CDH19: variants seen among roughly 807,000 people sequenced by gnomAD.
CDH19 encodes cadherin 19, also known as cadherin-19.
A neutral mutation model predicts 64.2 loss-of-function variants in CDH19; 67 were observed. The ratio of observed to expected loss-of-function variants is 1.04; its 90% CI spans 0.86 to 1.28. The LOEUF is 1.28. Ranked by LOEUF, CDH19 falls within the 50% of genes most tolerant of loss-of-function variation. The pLI is 0.00. For synonymous variants in CDH19, 346 were observed against 319.3 expected, an observed-to-expected ratio of 1.08 and a Z score of -0.89; for missense variants, 1,030 against 929.0, an observed-to-expected ratio of 1.11 and a Z score of -1.41.
intron 4 of CDH19, among the ~76,000 whole-genome samples, chr18:66,552,791 A>G (rs1203803636): frequency 7.4e-6 from 1 of 134,496 alleles, no homozygotes; most frequent in Non-Finnish European, 1.5e-5. Context: ...GTCAGTGTGC[A>G]GGGTAGGGGC....
In CDH19 at chr18:66,544,754, G is replaced by T. The variant is rs1568189393; in HGVS notation, c.925C>A (p.His309Asn). ...DSQTFDIITN[H>N]ETQEGIVILK... ...ATAACTATTCCTTCTTGAGTTTCAT[G>T]ATTAGTAATAATGTCAAATGTTTGC... Residue 309 changes from histidine (H) to asparagine (N), a missense_variant, in exon 6 of 12, where the codon CAT becomes AAT. Transcript: ENST00000262150. The T allele has an allele frequency of 6.2e-7, 1 of 1,610,078 alleles. No individual in the cohort carries two copies. The highest frequency in any genetic ancestry group is 1.7e-5 in the Admixed American group (1 of 59,766).
At chr18:66,550,680 C>A (rs140868948) in intron 5 of CDH19, among the ~76,000 whole-genome samples, 3,847 of 152,084 alleles carry the variant, frequency 0.025, 70 homozygotes, top group Non-Finnish European at 0.04. Context: ...CATAAAGAGG[C>A]CTTCAGGAAT....
Position 66,568,709 on chromosome 18 carries a change from A to G in CDH19, c.197T>C (p.Leu66Pro), listed in dbSNP as rs1988002218. 6.3e-7 allele frequency: 1 copy of G among 1,592,410 alleles called. No homozygotes were observed. The highest frequency in any genetic ancestry group is 8.5e-7 in the Non-Finnish European group (1 of 1,171,592). The part of the protein sequence containing the change: ...MNTTSHHIGQ[L>P]RSDLDNGNNS... Reference sequence around the variant, plus strand: ...GTTTCCATTGTCTAAATCAGATCTTAGCTGCAAATGGAAAGAGGGATCATT... The same window carrying G: ...GTTTCCATTGTCTAAATCAGATCTTGGCTGCAAATGGAAAGAGGGATCATT... Residue 66 changes from leucine (L) to proline (P), a missense_variant and splice_region_variant, in exon 3 of 12, where the codon CTA becomes CCA. Transcript: ENST00000262150.
chr18:66,575,097 G>C (rs1388375862), intron 1 of CDH19, among the ~76,000 whole-genome samples: 17 of 151,790 alleles, frequency 1.1e-4, no homozygotes, highest in Non-Finnish European at 1.0e-4. Context: ...AGAAATTGTT[G>C]CATCTCCTTT....
chr18:66,528,187 A>G (rs576266481), intron 9 of CDH19, among the ~76,000 whole-genome samples: 89 of 152,202 alleles, frequency 5.8e-4, no homozygotes, highest in African/African-American at 2.1e-3. Flanking sequence ...ATATTTGTCA[A>G]TGTGTCTAAG....
At chr18:66,573,918 C>CACAA (rs1490550387) in intron 1 of CDH19, among the ~76,000 whole-genome samples, 1 of 150,390 alleles carries the variant, frequency 6.6e-6, no homozygotes, top group Admixed American at 6.6e-5. Flanking sequence ...CACACACACA[C>CACAA]ACACAAGTAT....
intron 1 of CDH19, among the ~76,000 whole-genome samples, chr18:66,590,761 A>G (rs1463173020): frequency 6.6e-6 from 1 of 152,026 alleles, no homozygotes; most frequent in African/African-American, 2.4e-5. Flanking sequence ...TAAAGCATAA[A>G]TATAAATGAA....
Position 66,568,551 on chromosome 18 carries a change from C to A in CDH19, c.355G>T (p.Val119Leu). 1 of 1,612,306 alleles carries A rather than the reference C, an allele frequency of 6.2e-7. No individual in the cohort carries two copies. The highest frequency in any genetic ancestry group is 8.5e-7 in the Non-Finnish European group (1 of 1,178,968). ...GCCCTTCCAGTAGCGATGTCTATTACCTGGGCTCTTAAGATGTAGAGGGAT... is the reference window on the plus strand; with the variant it reads ...GCCCTTCCAGTAGCGATGTCTATTAACTGGGCTCTTAAGATGTAGAGGGAT... ...ERSLYILRAQ[V>L]IDIATGRAVE... Residue 119 changes from valine to leucine, a missense_variant, in exon 3 of 12, where the codon GTA becomes TTA. Val to Leu is a conservative substitution (Grantham distance 32). Coordinates refer to ENST00000262150, the MANE Select transcript of CDH19 (RefSeq NM_021153.4).
chr18:66,571,096 A>T (rs1005172563), intron 2 of CDH19, among the ~76,000 whole-genome samples: 1 of 151,074 alleles, frequency 6.6e-6, no homozygotes, highest in African/African-American at 2.4e-5. Context: ...GTGTGTGTGT[A>T]TGCGTGTGTG....
chr18:66,596,678 C>T (rs796349381), intron 1 of CDH19, among the ~76,000 whole-genome samples: 11 of 152,166 alleles, frequency 7.2e-5, no homozygotes, highest in African/African-American at 2.6e-4. Flanking sequence ...ACATTCCATG[C>T]TCATGGATAG....
chr18:66,529,893 G>T lies in CDH19; in HGVS notation c.1410C>A (p.Phe470Leu), dbSNP rs372093174. ...AAACATAAGTCTCATAGTATTGAGA[G>T]AACTCAGGAGCATGATCATTGATGT... is the stretch of plus-strand genomic sequence containing the variant. ...VLNINDHAPEFSQYYETYVCE... is the reference protein window; with the variant it reads ...VLNINDHAPELSQYYETYVCE... The change falls in exon 9 of 12, where the codon TTC (phenylalanine) becomes TTA (leucine). Residue 470 changes from phenylalanine to leucine, a missense_variant. Coordinates refer to ENST00000262150, the MANE Select transcript of CDH19 (RefSeq NM_021153.4). The T allele has an allele frequency of 3.1e-6, 5 of 1,591,484 alleles. No individual in the cohort carries two copies. Among genetic ancestry groups the T allele is most frequent in the Non-Finnish European group, 4.3e-6 (5 of 1,164,224 alleles).
rs561549140 is a variant in CDH19, at chr18:66,570,080, C to T, written c.196-1370G>A. Among the ~76,000 whole-genome samples the T allele has an allele frequency of 6.6e-5, 10 of 151,262 alleles. No homozygotes were observed. In the South Asian group the frequency reaches 1.2e-3, roughly 19 times the overall value. ...TTATTCCTAAAAGAAATTCTTCATGCGATGATGTAAGAAATTGAGGAACAA... is the reference window on the plus strand; with the variant it reads ...TTATTCCTAAAAGAAATTCTTCATGTGATGATGTAAGAAATTGAGGAACAA... On this transcript the variant is annotated intron_variant, in intron 2 of 11. Transcript: ENST00000262150.
intron 5 of CDH19, among the ~76,000 whole-genome samples, chr18:66,548,269 A>T (rs536586521): frequency 0.032 from 2,416 of 74,906 alleles, 92 homozygotes; most frequent in South Asian, 0.25. Flanking sequence ...ATATTTTTTT[A>T]AAAATATATA....
intron 5 of CDH19, among the ~76,000 whole-genome samples, chr18:66,549,532 G>A (rs1192911129): frequency 6.6e-6 from 1 of 152,058 alleles, no homozygotes; most frequent in Non-Finnish European, 1.5e-5. Flanking sequence ...TACATCATAT[G>A]TGACACTACA....
At chr18:66,547,704 G>C (rs1333557444) in intron 5 of CDH19, among the ~76,000 whole-genome samples, 1 of 107,708 alleles carries the variant, frequency 9.3e-6, no homozygotes, top group Non-Finnish European at 1.7e-5. Context: ...GTCTCGCTCT[G>C]TCGCCCAGGC....
intron 6 of CDH19, 57 bp from the exon 7 acceptor site, chr18:66,544,281 T>C: frequency 1.3e-6 from 2 of 1,523,790 alleles, no homozygotes; most frequent in Non-Finnish European, 1.8e-6. Context: ...AAGATACTAT[T>C]TAGAAAAAAG....
intron 1 of CDH19, among the ~76,000 whole-genome samples, chr18:66,596,721 C>A (rs1370565692): frequency 6.6e-6 from 1 of 151,978 alleles, no homozygotes; most frequent in Non-Finnish European, 1.5e-5. Context: ...GACCATAATC[C>A]TCAAGGAATT....
chr18:66,529,953 C>G lies in CDH19; in HGVS notation c.1350G>C (p.Gln450His). The change falls in exon 9 of 12, where the codon CAG becomes CAC. Residue 450 changes from glutamine to histidine, a missense_variant. By Grantham distance (24) the Gln-to-His change is conservative (BLOSUM62 0). Coordinates refer to ENST00000262150, the MANE Select transcript of CDH19 (RefSeq NM_021153.4). ...ITATEKYNIEQISSIPLYVQV... is the reference protein window; with the variant it reads ...ITATEKYNIEHISSIPLYVQV... ...GCACATACAGTGGGATCGAAGAGAT[C>G]TGTTCTATATTGTCTGCAATTTGAA... The G allele has an allele frequency of 6.5e-7, 1 of 1,537,662 alleles. No homozygotes were observed. Among genetic ancestry groups the G allele is most frequent in the Non-Finnish European group, 8.9e-7 (1 of 1,122,974 alleles).
rs368162962 is a variant in CDH19, at chr18:66,539,436, C to A, written c.1215-4329G>T. On this transcript the variant is annotated intron_variant, in intron 7 of 11. Coordinates refer to ENST00000262150, the MANE Select transcript of CDH19 (RefSeq NM_021153.4). Reference sequence around the variant, plus strand: ...AGATACTCTGTATCTGTTTAAGAATCTTCTATTCATATTGTGCTGATTGTG... The same window carrying A: ...AGATACTCTGTATCTGTTTAAGAATATTCTATTCATATTGTGCTGATTGTG... Among the ~76,000 whole-genome samples the A allele has an allele frequency of 5.3e-5, 8 of 152,032 alleles. No individual in the cohort carries two copies. In the East Asian group the frequency reaches 1.5e-3, roughly 29 times the overall value.
Sources: gnomAD v4.1 joint callset for allele counts (sites outside exome capture counted in the v4.1 genomes callset) on GRCh38, gnomAD v4.1.1 for gene constraint, MANE v1.5 for transcripts, NCBI Gene and HGNC (gene_info 2026-07-23, HGNC 2026-07-21) for gene names.